NR1D2: variants seen among roughly 807,000 people sequenced by gnomAD.
The protein encoded by NR1D2 is nuclear receptor subfamily 1 group D member 2.
A neutral mutation model predicts 52.2 loss-of-function variants in NR1D2; 25 were observed. The observed-to-expected ratio is 0.48, with a 90% confidence interval of 0.35 to 0.67. NR1D2 has a LOEUF of 0.67. Ranked by LOEUF, NR1D2 falls within the 30% of genes least tolerant of loss-of-function variation. The probability of loss-of-function intolerance (pLI) is 0.01; values close to 1 mark genes in which losing one functional copy is unlikely to be tolerated. For missense variants in NR1D2, 681 were observed against 707.2 expected, an observed-to-expected ratio of 0.96 and a Z score of 0.42; for synonymous variants, 259 against 230.1, an observed-to-expected ratio of 1.13 and a Z score of -1.14.
intron 7 of NR1D2, 26 bp downstream of exon 7, chr3:23,968,049 C>T (rs1436128256): frequency 4.4e-6 from 7 of 1,586,112 alleles, no homozygotes; most frequent in Non-Finnish European, 6.1e-6. Flanking sequence ...CAAAATTGTG[C>T]CACACCTAGC....
At chr3:23,947,780 T>C (rs1683427250) in intron 1 of NR1D2, among the ~76,000 whole-genome samples, 1 of 151,552 alleles carries the variant, frequency 6.6e-6, no homozygotes, top group Non-Finnish European at 1.5e-5. Flanking sequence ...CCACCATGTT[T>C]ACAGTTTCTG....
chr3:23,961,771 G>A (rs186656129), intron 4 of NR1D2, among the ~76,000 whole-genome samples: 96 of 152,028 alleles, frequency 6.3e-4, no homozygotes, highest in Middle Eastern at 3.4e-3. Flanking sequence ...TGTTGTGGGG[G>A]GAAAATAGAA....
intron 1 of NR1D2, among the ~76,000 whole-genome samples, chr3:23,945,810 C>G (rs72627095): frequency 0.14 from 21,438 of 150,454 alleles, 2,180 homozygotes; most frequent in African/African-American, 0.27. Flanking sequence ...GCGCGGCCTG[C>G]CGGCGCCCGG....
intron 4 of NR1D2, among the ~76,000 whole-genome samples, chr3:23,961,389 C>CTTTTTTTTTTTTTTTTTTTT (rs869108010): frequency 2.6e-5 from 2 of 76,014 alleles, no homozygotes; most frequent in African/African-American, 5.4e-5. Context: ...CTTTTTCTTT[C>CTTTTTTTTTTTTTTTTTTTT]TTTTTTTTTT....
intron 1 of NR1D2, among the ~76,000 whole-genome samples, chr3:23,947,809 G>C (rs532568227): frequency 1.3e-5 from 2 of 152,114 alleles, no homozygotes; most frequent in African/African-American, 2.4e-5. Flanking sequence ...CAGTAAGCAG[G>C]AGGTCTAATA....
At position 23,962,434 on chromosome 3, in the gene NR1D2, G is replaced by A. The variant is rs773141753; in HGVS notation, c.975G>A (p.Arg325=). The part of the protein sequence containing the change: ...QQHLNGQFKG[R]NIMHYPNGHA... ...ATCTCAATGGACAGTTCAAAGGGAG[G>A]AATATAATGCATTACCCAAATGGTC... Residue 325 remains arginine (R), a synonymous_variant, in exon 5 of 8, where the codon AGG becomes AGA. Coordinates refer to ENST00000312521, the MANE Select transcript of NR1D2 (RefSeq NM_005126.5). 5 of 1,614,016 alleles carry A rather than the reference G, an allele frequency of 3.1e-6. No homozygotes were observed. The highest frequency in any genetic ancestry group is 4.2e-6 in the Non-Finnish European group (5 of 1,180,026).
At chr3:23,958,642 T>TAAAAAAAAAAAAA (rs35959367) in intron 3 of NR1D2, among the ~76,000 whole-genome samples, 1 of 98,098 alleles carries the variant, frequency 1.0e-5, no homozygotes, top group Non-Finnish European at 2.0e-5. Flanking sequence ...CCTGTCTCTT[T>TAAAAAAAAAAAAA]AAAAAAAAAA....
At chr3:23,965,729 C>T (rs187460561) in intron 6 of NR1D2, among the ~76,000 whole-genome samples, 205 of 152,240 alleles carry the variant, frequency 1.3e-3, no homozygotes, top group Non-Finnish European at 2.3e-3. Flanking sequence ...TATTCTGTAT[C>T]TACAGCATAT....
At chr3:23,963,236 A>T in intron 5 of NR1D2, 1 of 1,349,856 alleles carries the variant, frequency 7.4e-7, no homozygotes, top group East Asian at 4.6e-5. Context: ...CAGTGTTCAT[A>T]TTCAGCCAAA....
At chr3:23,960,691 A>G (rs1387515690) in intron 4 of NR1D2, among the ~76,000 whole-genome samples, 2 of 152,010 alleles carry the variant, frequency 1.3e-5, no homozygotes, top group African/African-American at 4.8e-5. Flanking sequence ...ATTCCCTGAA[A>G]TTTTTTTTAT....
At chr3:23,955,871 G>T (rs538584754) in intron 2 of NR1D2, among the ~76,000 whole-genome samples, 166 bp from the exon 3 acceptor site, 13 of 152,010 alleles carry the variant, frequency 8.6e-5, no homozygotes, top group Non-Finnish European at 1.8e-4. Flanking sequence ...AGAAAATTAT[G>T]ATTGTGATTA....
intron 1 of NR1D2, 66 bp downstream of exon 1, chr3:23,945,660 TG>T: frequency 2.7e-5 from 7 of 255,264 alleles, no homozygotes; most frequent in Non-Finnish European, 3.1e-5. Flanking sequence ...CGGGGCACTT[TG>T]GGGGGCGGCG....
Position 23,954,522 on chromosome 3 carries a change from C to G in NR1D2, c.17-15C>G, listed in dbSNP as rs72627099. The G allele has an allele frequency of 3.9e-3, 6,189 of 1,605,284 alleles. 154 individuals carry two copies. In the East Asian group the frequency reaches 0.041, roughly 11 times the overall value. On this transcript the variant is annotated splice_polypyrimidine_tract_variant and intron_variant, in intron 1 of 7. Coordinates refer to ENST00000312521, the MANE Select transcript of NR1D2 (RefSeq NM_005126.5). ...ATCTTGTATCTAATTATGTGATTTT[C>G]CTCCTATTTTCTAGGAGGTGTGATT...
intron 1 of NR1D2, among the ~76,000 whole-genome samples, chr3:23,951,361 G>C (rs964114800): frequency 1.3e-5 from 2 of 152,160 alleles, no homozygotes; most frequent in African/African-American, 2.4e-5. Context: ...TGTGAATTTA[G>C]TACTTAAGAC....
At chr3:23,977,038 A>G (rs1380437061) in intron 7 of NR1D2, among the ~76,000 whole-genome samples, 185 bp from the exon 8 acceptor site, 1 of 152,226 alleles carries the variant, frequency 6.6e-6, no homozygotes, top group Non-Finnish European at 1.5e-5. Flanking sequence ...ATGCTTTATA[A>G]TATAGTAACT....
intron 7 of NR1D2, among the ~76,000 whole-genome samples, chr3:23,969,086 A>G (rs1472329977): frequency 1.3e-5 from 2 of 152,136 alleles, no homozygotes; most frequent in Admixed American, 1.3e-4. Flanking sequence ...GGAATTTGAG[A>G]CCAGCCTGGC....
chr3:23,946,122 C>G, intron 1 of NR1D2: 2 of 984,914 alleles, frequency 2.0e-6, no homozygotes, highest in Non-Finnish European at 1.2e-6. Flanking sequence ...GCCGCGATTC[C>G]CTCCTCCCCC....
chr3:23,955,326 A>G (rs184695085), intron 2 of NR1D2, among the ~76,000 whole-genome samples: 2 of 152,290 alleles, frequency 1.3e-5, no homozygotes, highest in South Asian at 2.1e-4. Context: ...CTCTGTCTGA[A>G]TTCTTAATTG....
chr3:23,945,559 G>T lies in NR1D2; in HGVS notation c.-20G>T. ...CCTCTGCGGGAAGCGGGCGGCCCCG[G>T]CCGCCTCCGCGAGGGCACCATGGAG... On this transcript the variant is annotated 5_prime_UTR_variant, in exon 1 of 8. Coordinates refer to ENST00000312521, the MANE Select transcript of NR1D2 (RefSeq NM_005126.5). The T allele has an allele frequency of 8.6e-7, 1 of 1,157,692 alleles. No homozygotes were observed. The highest frequency in any genetic ancestry group is 1.1e-6 in the Non-Finnish European group (1 of 933,776). The allele number at this position is 1,157,692 out of a possible 1,614,324, so 71.7% of individuals were successfully genotyped here. A position where few individuals can be genotyped will look rare whatever the true frequency, so the allele number is the denominator to read the frequency against.
Sources: allele counts gnomAD v4.1 joint callset (sites outside exome capture counted in the v4.1 genomes callset), GRCh38; gene constraint gnomAD v4.1.1; transcripts MANE v1.5; gene names NCBI Gene and HGNC (gene_info 2026-07-23, HGNC 2026-07-21).